Variants in SPAG16 observed in about 807,000 individuals in gnomAD.
The protein encoded by SPAG16 is sperm associated antigen 16, also known as sperm-associated antigen 16 protein.
Under a neutral mutation model 80.4 loss-of-function variants are expected in SPAG16, and 86 were observed. That is an observed-to-expected ratio of 1.07 (90% CI 0.90 to 1.28). SPAG16 has a LOEUF of 1.28. Ranked by LOEUF, SPAG16 falls within the 50% of genes most tolerant of loss-of-function variation. The pLI, the probability that SPAG16 is intolerant of heterozygous loss-of-function variation, is 0.00. For synonymous variants in SPAG16, 294 were observed against 265.9 expected, an observed-to-expected ratio of 1.11 and a Z score of -1.03; for missense variants, 870 against 765.3, an observed-to-expected ratio of 1.14 and a Z score of -1.61.
chr2:213,553,582 C>T (rs930045227), intron 10 of SPAG16, among the ~76,000 whole-genome samples: 1 of 152,140 alleles, frequency 6.6e-6, no homozygotes, highest in African/African-American at 2.4e-5. Flanking sequence ...TAGAGGTGCT[C>T]CTTTCTCAAA....
intron 10 of SPAG16, among the ~76,000 whole-genome samples, chr2:213,789,350 T>C (rs2070543939): frequency 1.3e-5 from 2 of 151,952 alleles, no homozygotes; most frequent in Non-Finnish European, 2.9e-5. Flanking sequence ...TTTATGTGCT[T>C]TATCATTGAG....
intron 10 of SPAG16, among the ~76,000 whole-genome samples, chr2:213,689,103 G>A (rs2064822504): frequency 6.6e-6 from 1 of 152,132 alleles, no homozygotes; most frequent in Non-Finnish European, 1.5e-5. Flanking sequence ...GGGATCACAG[G>A]CTCCTGCCAC....
In SPAG16 at chr2:213,587,652, A is replaced by G. The variant is rs148781955; in HGVS notation, c.1070+97562A>G. ...TATTCTTTCCAGAACACACTTTCTT[A>G]TTCCTTTTAATATGGATAGGCTGAG... On this transcript the variant is annotated intron_variant, in intron 10 of 15. Coordinates refer to ENST00000331683, the MANE Select transcript of SPAG16 (RefSeq NM_024532.5). Among the ~76,000 whole-genome samples the G allele has an allele frequency of 7.3e-5, 11 of 151,316 alleles. 1 individual carries two copies. Among genetic ancestry groups the G allele is most frequent in the African/African-American group, 2.7e-4 (11 of 40,624 alleles).
chr2:213,816,027 A>G (rs1216157491), intron 10 of SPAG16, among the ~76,000 whole-genome samples: 1 of 152,142 alleles, frequency 6.6e-6, no homozygotes, highest in Non-Finnish European at 1.5e-5. Context: ...TTCAAGCTAG[A>G]TAGATTTTCA....
chr2:213,886,719 T>C (rs546479507), intron 11 of SPAG16, among the ~76,000 whole-genome samples: 1 of 151,950 alleles, frequency 6.6e-6, no homozygotes, highest in African/African-American at 2.4e-5. Context: ...CTTGAGGGCA[T>C]ATGACTTATA....
chr2:213,555,645 T>C (rs1251506919), intron 10 of SPAG16, among the ~76,000 whole-genome samples: 2 of 152,190 alleles, frequency 1.3e-5, no homozygotes, highest in South Asian at 2.1e-4. Flanking sequence ...TGAGACAAGA[T>C]ACATACATTC....
chr2:213,448,652 G>A (rs1377532346), intron 9 of SPAG16, among the ~76,000 whole-genome samples: 1 of 152,182 alleles, frequency 6.6e-6, no homozygotes, highest in Non-Finnish European at 1.5e-5. Flanking sequence ...GGACGGGCTG[G>A]AGCCATGGCA....
rs563337592 is a variant in SPAG16 at position 213,387,248 on chromosome 2, C to T, written c.942+12129C>T. 2.6e-4 allele frequency among the ~76,000 whole-genome samples: 40 copies of T among 151,506 alleles called. No individual in the cohort carries two copies. In the South Asian group the frequency reaches 8.3e-3, roughly 32 times the overall value. ...TGTAATATATTAAAAATCTACCTTT[C>T]ACCTTGTATTTTGACCTATATATTC... is the stretch of plus-strand genomic sequence containing the variant. On this transcript the variant is annotated intron_variant, in intron 9 of 15. Coordinates refer to ENST00000331683, the MANE Select transcript of SPAG16 (RefSeq NM_024532.5).
intron 15 of SPAG16, among the ~76,000 whole-genome samples, chr2:214,155,387 C>G (rs1156651409): frequency 6.6e-6 from 1 of 152,138 alleles, no homozygotes; most frequent in Non-Finnish European, 1.5e-5. Flanking sequence ...ATATATGGAG[C>G]TTTATTGGAA....
intron 10 of SPAG16, among the ~76,000 whole-genome samples, chr2:213,801,811 A>G (rs2071426063): frequency 6.6e-6 from 1 of 152,188 alleles, no homozygotes; most frequent in Non-Finnish European, 1.5e-5. Flanking sequence ...AAGCTTGGAA[A>G]AATAACTAAG....
chr2:214,104,933 G>A (rs1200203690), intron 13 of SPAG16, among the ~76,000 whole-genome samples: 1 of 152,168 alleles, frequency 6.6e-6, no homozygotes, highest in Non-Finnish European at 1.5e-5. Context: ...ACTGGATGCA[G>A]TGTGCAAGTG....
rs1429957137 is a variant in SPAG16 at position 213,480,523 on chromosome 2, G to T, written c.943-9440G>T. Among the ~76,000 whole-genome samples, 4 of 152,170 alleles carry T rather than the reference G, an allele frequency of 2.6e-5. No individual in the cohort carries two copies. The East Asian group carries it at 7.7e-4, about 29-fold the overall frequency. On this transcript the variant is annotated intron_variant, in intron 9 of 15. Coordinates refer to ENST00000331683, the MANE Select transcript of SPAG16 (RefSeq NM_024532.5). ...GAGTAATACCATACCTGAAATAGGT[G>T]AATCTATGAATTCTTAATTTAGTAA...
At chr2:214,153,116 T>C (rs927286351) in intron 15 of SPAG16, among the ~76,000 whole-genome samples, 1 of 151,908 alleles carries the variant, frequency 6.6e-6, no homozygotes, top group Non-Finnish European at 1.5e-5. Flanking sequence ...CCTTTCCCGG[T>C]CTGCTAAGTA....
chr2:213,633,803 T>G (rs971125916), intron 10 of SPAG16, among the ~76,000 whole-genome samples: 3 of 152,210 alleles, frequency 2.0e-5, no homozygotes, highest in Non-Finnish European at 4.4e-5. Context: ...CTTATAGTTT[T>G]TGTCTTGAAA....
At chr2:213,400,526 C>A (rs1297520247) in intron 9 of SPAG16, among the ~76,000 whole-genome samples, 1 of 152,058 alleles carries the variant, frequency 6.6e-6, no homozygotes. Flanking sequence ...TTGTATGAAA[C>A]CAATTCTTGA....
intron 10 of SPAG16, among the ~76,000 whole-genome samples, chr2:213,676,655 C>G (rs1448553321): frequency 6.6e-6 from 1 of 152,026 alleles, no homozygotes; most frequent in East Asian, 1.9e-4. Context: ...TGGTTTTTGT[C>G]TTTGATTCTG....
At chr2:213,468,426 T>TATATATCTATGTATTTATATATAG (rs1487959261) in intron 9 of SPAG16, among the ~76,000 whole-genome samples, 1 of 144,266 alleles carries the variant, frequency 6.9e-6, no homozygotes, top group African/African-American at 2.6e-5. Context: ...TACAGATATA[T>TATATATCTATGTATTTATATATAG]ATATATCTAT....
At chr2:213,497,564 C>T (rs978910365) in intron 10 of SPAG16, among the ~76,000 whole-genome samples, 3 of 151,658 alleles carry the variant, frequency 2.0e-5, no homozygotes, top group Non-Finnish European at 2.9e-5. Flanking sequence ...GGTGATAGAC[C>T]GACAGTTGCC....
intron 9 of SPAG16, among the ~76,000 whole-genome samples, chr2:213,380,982 C>G (rs964142941): frequency 2.6e-5 from 4 of 152,188 alleles, no homozygotes; most frequent in African/African-American, 9.6e-5. Context: ...TGCCTCTTTC[C>G]TGGTTGTAAG....
Sources: allele counts gnomAD v4.1 joint callset (sites outside exome capture counted in the v4.1 genomes callset), GRCh38; gene constraint gnomAD v4.1.1; transcripts MANE v1.5; gene names NCBI Gene and HGNC (gene_info 2026-07-23, HGNC 2026-07-21).